Variants in SLC9A7 observed in about 807,000 individuals in gnomAD.
SLC9A7 encodes the protein solute carrier family 9 member A7.
In SLC9A7, 19 loss-of-function variants were observed where a neutral mutation model predicts 52.6. The ratio of observed to expected loss-of-function variants is 0.36; its 90% CI spans 0.25 to 0.53. The LOEUF (loss-of-function observed/expected upper bound fraction) is 0.53. Among genes scored for constraint, SLC9A7 ranks in the 20% least tolerant of loss-of-function variants. The pLI is 0.91. For missense variants in SLC9A7, 455 were observed against 597.9 expected (o/e 0.76, Z 2.49); for synonymous variants, 226 against 252.1 (o/e 0.90, Z 0.98).
intron 14 of SLC9A7, among the ~76,000 whole-genome samples, chrX:46,625,977 A>G (rs980978418): frequency 3.6e-5 from 4 of 111,563 alleles, no homozygotes; most frequent in African/African-American, 1.3e-4. Flanking sequence ...TGAGCCCACC[A>G]GGTATCTGAT....
intron 2 of SLC9A7, among the ~76,000 whole-genome samples, chrX:46,681,841 C>A (rs1470270808): frequency 8.9e-6 from 1 of 112,395 alleles, no homozygotes; most frequent in Non-Finnish European, 1.9e-5. Flanking sequence ...CCTGAAGATT[C>A]ATTAAGCCTC....
rs143055443 is a variant in SLC9A7, at chrX:46,646,054, T to C, written c.1462+2632A>G. Among the ~76,000 whole-genome samples the C allele has an allele frequency of 8.4e-3, 938 of 112,227 alleles. 7 individuals are homozygous for C. Among genetic ancestry groups the C allele is most frequent in the African/African-American group, 0.029 (896 of 30,879 alleles). On this transcript the variant is annotated intron_variant, in intron 11 of 16. Coordinates refer to ENST00000616978, the MANE Select transcript of SLC9A7 (RefSeq NM_001257291.2). The stretch of plus-strand genomic sequence containing the variant: ...CACTCATCAAGTAGAGCCAGCCCCT[T>C]TGGGGTCAGGGAGGAAACTGTTTTT...
chrX:46,651,221 G>T lies in SLC9A7; in HGVS notation c.1239C>A (p.Leu413=). 8.4e-7 allele frequency: 1 copy of T among 1,191,882 alleles called. No homozygotes were observed. The highest frequency in any genetic ancestry group is 1.8e-5 in the South Asian group (1 of 56,363). Residue 413 remains leucine, a splice_region_variant and synonymous_variant, in exon 10 of 17, where the codon CTC becomes CTA. Coordinates refer to ENST00000616978, the MANE Select transcript of SLC9A7 (RefSeq NM_001257291.2). The part of the protein sequence containing the change: ...SVESRSRTKQ[L]FEVLHFLAEN... ...CTGCCAGGAAATGTAACACCTCAAA[G>T]AGCTGCACAGAGAAGGGAAAAGGAA...
intron 1 of SLC9A7, among the ~76,000 whole-genome samples, chrX:46,736,130 A>C (rs1945117832): frequency 9.0e-6 from 1 of 111,676 alleles, no homozygotes. Flanking sequence ...AATTATGTGA[A>C]TGTTAGACCA....
Position 46,679,769 on chromosome X carries a change from A to G in SLC9A7, c.526-14T>C. ...ATCGAATGTTACCTGAAAGTTTAAA[A>G]AGAAAAAAAAGCCAATTTTTTATTT... On this transcript the variant is annotated splice_polypyrimidine_tract_variant and intron_variant, in intron 2 of 16. Coordinates refer to ENST00000616978, the MANE Select transcript of SLC9A7 (RefSeq NM_001257291.2). The G allele has an allele frequency of 9.1e-7, 1 of 1,103,797 alleles. No individual in the cohort carries two copies. Among genetic ancestry groups the G allele is most frequent in the Non-Finnish European group, 1.2e-6 (1 of 811,837 alleles). The allele number at this position is 1,103,797 out of a possible 1,213,427, so 91.0% of individuals were successfully genotyped here.
intron 15 of SLC9A7, among the ~76,000 whole-genome samples, chrX:46,616,745 ACTT>A (rs1942960371): frequency 9.0e-6 from 1 of 110,927 alleles, no homozygotes; most frequent in African/African-American, 3.3e-5. Context: ...CTAGGTTCAG[ACTT>A]CTTTTTTTCA....
intron 13 of SLC9A7, among the ~76,000 whole-genome samples, chrX:46,633,654 A>G (rs1602156270): frequency 1.3e-5 from 1 of 74,772 alleles, no homozygotes; most frequent in African/African-American, 6.7e-5. Context: ...GAACAGGCAC[A>G]GGATTTTTTT....
At chrX:46,718,473 T>C (rs1944806337) in intron 1 of SLC9A7, among the ~76,000 whole-genome samples, 1 of 112,061 alleles carries the variant, frequency 8.9e-6, no homozygotes, top group African/African-American at 3.2e-5. Context: ...AAAGAGCTTC[T>C]GCACAGCAAA....
chrX:46,681,633 TA>T (rs1247433649), intron 2 of SLC9A7, among the ~76,000 whole-genome samples: 1 of 112,448 alleles, frequency 8.9e-6, no homozygotes, highest in Non-Finnish European at 1.9e-5. Flanking sequence ...CCAAGACCGC[TA>T]TACAGAAGGC....
chrX:46,661,295 C>A (rs1259637116), intron 7 of SLC9A7, among the ~76,000 whole-genome samples: 3 of 109,488 alleles, frequency 2.7e-5, no homozygotes, highest in African/African-American at 1.0e-4. Flanking sequence ...GTGGGTGCAG[C>A]GCACCAGCAT....
chrX:46,748,364 AAAGGAAGGAAGGAAGG>A (rs57555325), intron 1 of SLC9A7, among the ~76,000 whole-genome samples: 2,127 of 51,246 alleles, frequency 0.042, 88 homozygotes, highest in African/African-American at 0.12. Flanking sequence ...AAAAAGAAAG[AAAGGAAGGAAGGAAGG>A]AAGGAAGGAA....
intron 1 of SLC9A7, among the ~76,000 whole-genome samples, chrX:46,689,069 TG>T (rs1944343041): frequency 9.0e-6 from 1 of 111,680 alleles, no homozygotes; most frequent in Non-Finnish European, 1.9e-5. Context: ...TATAGATTCA[TG>T]TAAGCACCAC....
chrX:46,725,307 C>T (rs1039923422), intron 1 of SLC9A7: 3 of 1,140,745 alleles, frequency 2.6e-6, no homozygotes, highest in Non-Finnish European at 3.6e-6. Context: ...AAGCTCATCA[C>T]CCAGTGCATC....
intron 1 of SLC9A7, among the ~76,000 whole-genome samples, chrX:46,730,672 ATATATATATATATAT>A (rs1945019040): frequency 1.2e-4 from 2 of 16,389 alleles, no homozygotes; most frequent in African/African-American, 3.9e-4. Flanking sequence ...AAAAAAAATT[ATATATATATATATAT>A]ATATATATAT....
intron 1 of SLC9A7, among the ~76,000 whole-genome samples, chrX:46,718,146 A>G (rs1225678593): frequency 9.0e-6 from 1 of 111,668 alleles, no homozygotes; most frequent in Admixed American, 9.5e-5. Flanking sequence ...AATACCACAC[A>G]TACACAACCA....
rs1033399481 is a variant in SLC9A7, at chrX:46,703,886, T to C, written c.326-21351A>G. Among the ~76,000 whole-genome samples, 5 of 111,918 alleles carry C rather than the reference T, an allele frequency of 4.5e-5. No individual in the cohort carries two copies. The Admixed American group carries it at 4.7e-4, about 11-fold the overall frequency. On this transcript the variant is annotated intron_variant, in intron 1 of 16. Transcript: ENST00000616978. ...CCGTGGAAGGGCATTTACAAGAAAATGTAACAGTGGCTCTCTCTAAGGAGA... is the reference window on the plus strand; with the variant it reads ...CCGTGGAAGGGCATTTACAAGAAAACGTAACAGTGGCTCTCTCTAAGGAGA...
At chrX:46,724,714 T>G (rs1005804388) in intron 1 of SLC9A7, among the ~76,000 whole-genome samples, 2 of 111,461 alleles carry the variant, frequency 1.8e-5, no homozygotes, top group Non-Finnish European at 3.8e-5. Context: ...AGGCCATCAC[T>G]TTAACCAACC....
intron 1 of SLC9A7, among the ~76,000 whole-genome samples, chrX:46,706,938 G>A (rs1396907392): frequency 3.6e-5 from 4 of 110,822 alleles, no homozygotes; most frequent in African/African-American, 1.3e-4. Flanking sequence ...GTGGGGTTTC[G>A]CCATGTTGTC....
intron 5 of SLC9A7, among the ~76,000 whole-genome samples, chrX:46,663,504 A>G (rs12835025): frequency 1.1e-5 from 1 of 93,030 alleles, no homozygotes; most frequent in Admixed American, 1.2e-4. Context: ...TGGTCATGGT[A>G]GCATATGCCT....
Sources: gnomAD v4.1 joint callset for allele counts (sites outside exome capture counted in the v4.1 genomes callset) on GRCh38, gnomAD v4.1.1 for gene constraint, MANE v1.5 for transcripts, NCBI Gene and HGNC (gene_info 2026-07-23, HGNC 2026-07-21) for gene names.